The following KATNIP variants were observed in gnomAD, a reference collection of about 807,000 sequenced individuals.
The protein encoded by KATNIP is katanin interacting protein, also known as katanin-interacting protein.
KATNIP carries 126 observed loss-of-function variants against 174.0 expected under a neutral mutation model. The ratio of observed to expected loss-of-function variants is 0.72; its 90% CI spans 0.63 to 0.84. The LOEUF (loss-of-function observed/expected upper bound fraction) is 0.84. Ranked by LOEUF, KATNIP falls within the 40% of genes least tolerant of loss-of-function variation. The pLI is 0.00. For synonymous variants in KATNIP, 810 were observed against 835.7 expected, an observed-to-expected ratio of 0.97 and a Z score of 0.53; for missense variants, 1,958 against 2,109.7, an observed-to-expected ratio of 0.93 and a Z score of 1.41.
intron 2 of KATNIP, among the ~76,000 whole-genome samples, chr16:27,574,480 GTGCAGGAGTGGCAAC>G (rs1005834468): frequency 6.6e-6 from 1 of 151,398 alleles, no homozygotes; most frequent in Non-Finnish European, 1.5e-5. Flanking sequence ...GGGCTCAAGA[GTGCAGGAGTGGCAAC>G]TGCAGGACTT....
At chr16:27,747,957 G>T (rs1462993573) in intron 15 of KATNIP, among the ~76,000 whole-genome samples, 1 of 152,168 alleles carries the variant, frequency 6.6e-6, no homozygotes, top group Non-Finnish European at 1.5e-5. Flanking sequence ...CTGGAGAGAG[G>T]AGATAATTGA....
chr16:27,615,293 CTTTT>C (rs528705562), intron 2 of KATNIP, among the ~76,000 whole-genome samples: 3 of 129,388 alleles, frequency 2.3e-5, no homozygotes, highest in Non-Finnish European at 3.4e-5. Flanking sequence ...CACATCTGGC[CTTTT>C]TTTTTTTTTT....
At chr16:27,682,944 T>C (rs1487519253) in intron 8 of KATNIP, among the ~76,000 whole-genome samples, 3 of 152,156 alleles carry the variant, frequency 2.0e-5, no homozygotes, top group African/African-American at 7.2e-5. Flanking sequence ...ATGCACTGCC[T>C]CGAGACTCTG....
chr16:27,739,611 A>C (rs2081025465), intron 14 of KATNIP, among the ~76,000 whole-genome samples: 1 of 152,200 alleles, frequency 6.6e-6, no homozygotes, highest in Admixed American at 6.5e-5. Context: ...CAGGAACTGG[A>C]CTTTAAAGAA....
intron 13 of KATNIP, among the ~76,000 whole-genome samples, chr16:27,715,059 T>G (rs1459054917): frequency 6.6e-6 from 1 of 152,204 alleles, no homozygotes; most frequent in Non-Finnish European, 1.5e-5. Flanking sequence ...AACTCTGCAG[T>G]AATAAAGACT....
At chr16:27,763,619 C>CAAA (rs565418198) in intron 19 of KATNIP, among the ~76,000 whole-genome samples, 7 of 50,676 alleles carry the variant, frequency 1.4e-4, no homozygotes, top group Admixed American at 2.2e-4. Flanking sequence ...TGTCTCAACA[C>CAAA]AAAAAAAAAA....
chr16:27,649,547 T>C lies in KATNIP; in HGVS notation c.540+812T>C, dbSNP rs182802668. Among the ~76,000 whole-genome samples, 333 of 152,214 alleles carry C rather than the reference T, an allele frequency of 2.2e-3. 2 individuals are homozygous for C. The highest frequency in any genetic ancestry group is 7.6e-3 in the African/African-American group (316 of 41,536). On this transcript the variant is annotated intron_variant, in intron 6 of 27. Coordinates refer to ENST00000261588, the MANE Select transcript of KATNIP (RefSeq NM_015202.5). ...GCTCTGTTACCCAGGCTGGAGTGCA[T>C]TGGTACAATCATAGCTCACTGCAGC...
At chr16:27,693,367 C>A (rs1409101491) in intron 8 of KATNIP, among the ~76,000 whole-genome samples, 1 of 152,078 alleles carries the variant, frequency 6.6e-6, no homozygotes, top group Non-Finnish European at 1.5e-5. Context: ...ACATCAAAGT[C>A]TGAAAATGGC....
chr16:27,599,279 T>A (rs886068956), intron 2 of KATNIP, among the ~76,000 whole-genome samples: 1 of 152,054 alleles, frequency 6.6e-6, no homozygotes, highest in Non-Finnish European at 1.5e-5. Flanking sequence ...CAGAAACTGC[T>A]CCTCTGGATG....
At chr16:27,763,479 T>C (rs1235638315) in intron 19 of KATNIP, among the ~76,000 whole-genome samples, 2 of 145,674 alleles carry the variant, frequency 1.4e-5, no homozygotes, top group Non-Finnish European at 3.0e-5. Context: ...AGCCAGGCAT[T>C]GTGGCATGTG....
At chr16:27,600,761 A>G (rs576277893) in intron 2 of KATNIP, among the ~76,000 whole-genome samples, 76 of 148,388 alleles carry the variant, frequency 5.1e-4, no homozygotes, top group African/African-American at 1.8e-3. Flanking sequence ...CGGAGTTTTA[A>G]TCTTGTTTCC....
intron 5 of KATNIP, among the ~76,000 whole-genome samples, chr16:27,645,168 C>T (rs233465): frequency 0.83 from 125,758 of 152,142 alleles, 52,218 homozygotes; most frequent in East Asian, 1. Context: ...ATGAAACATA[C>T]ACCTGAGAGG....
intron 13 of KATNIP, among the ~76,000 whole-genome samples, chr16:27,721,183 C>T (rs192579707): frequency 6.4e-4 from 98 of 152,270 alleles, no homozygotes; most frequent in Non-Finnish European, 1.3e-3. Context: ...GCTCTGTTTG[C>T]CAGGTTAATC....
intron 8 of KATNIP, among the ~76,000 whole-genome samples, chr16:27,691,232 G>A (rs2078722655): frequency 6.6e-6 from 1 of 152,200 alleles, no homozygotes; most frequent in South Asian, 2.1e-4. Flanking sequence ...CACGTCTTCT[G>A]TGTGACATGT....
chr16:27,766,663 C>T (rs886568149), intron 20 of KATNIP, among the ~76,000 whole-genome samples, 189 bp downstream of exon 20: 1 of 152,152 alleles, frequency 6.6e-6, no homozygotes, highest in East Asian at 1.9e-4. Flanking sequence ...GGCTAAAGAG[C>T]GCAGGGCATT....
intron 14 of KATNIP, among the ~76,000 whole-genome samples, chr16:27,728,136 G>A (rs1488946097): frequency 6.6e-6 from 1 of 152,288 alleles, no homozygotes; most frequent in Non-Finnish European, 1.5e-5. Flanking sequence ...GGGTCTGGGC[G>A]CTGTGGGGGC....
chr16:27,754,576 C>G, intron 18 of KATNIP: 1 of 297,918 alleles, frequency 3.4e-6, no homozygotes, highest in South Asian at 4.5e-5. Flanking sequence ...AAGTGTAGAA[C>G]AAGAGGACAT....
intron 20 of KATNIP, among the ~76,000 whole-genome samples, chr16:27,768,048 G>A (rs1486650958): frequency 2.6e-5 from 4 of 152,096 alleles, no homozygotes; most frequent in Non-Finnish European, 4.4e-5. Context: ...CACAGGTCTG[G>A]GCCCCACCAG....
intron 20 of KATNIP, among the ~76,000 whole-genome samples, chr16:27,769,148 TAGAA>T (rs2082216948): frequency 6.6e-6 from 1 of 152,178 alleles, no homozygotes. Context: ...TGCAAGCTCT[TAGAA>T]AGCATCTGCT....
Sources: allele counts gnomAD v4.1 joint callset (sites outside exome capture counted in the v4.1 genomes callset), GRCh38; gene constraint gnomAD v4.1.1; transcripts MANE v1.5; gene names NCBI Gene and HGNC (gene_info 2026-07-23, HGNC 2026-07-21).